The following VWA3B variants were observed in gnomAD, a reference collection of about 807,000 sequenced individuals.
VWA3B encodes von Willebrand factor A domain-containing protein 3B.
Under a neutral mutation model 158.3 loss-of-function variants are expected in VWA3B, and 138 were observed. That is an observed-to-expected ratio of 0.87 (90% CI 0.76 to 1.00). The LOEUF (loss-of-function observed/expected upper bound fraction) is 1.00. VWA3B is among the 50% of genes least tolerant of loss of function. The probability of loss-of-function intolerance (pLI) is 0.00; values close to 1 mark genes in which losing one functional copy is unlikely to be tolerated. For synonymous variants in VWA3B, 596 were observed against 587.3 expected, an observed-to-expected ratio of 1.01 and a Z score of -0.21; for missense variants, 1,555 against 1,565.1, an observed-to-expected ratio of 0.99 and a Z score of 0.11.
intron 6 of VWA3B, among the ~76,000 whole-genome samples, chr2:98,133,427 C>T (rs13008613): frequency 0.092 from 13,967 of 152,184 alleles, 991 homozygotes; most frequent in African/African-American, 0.2. Context: ...CTCACTGAAC[C>T]TACAGAGCTG....
chr2:98,330,161 C>CTATTCA, the VWA3B span, among the ~76,000 whole-genome samples: 3 of 152,312 alleles, frequency 2.0e-5, no homozygotes, highest in East Asian at 5.8e-4. Flanking sequence ...ATTCAAGGTG[C>CTATTCA]AGGGGATATT....
In VWA3B at chr2:98,119,576, T is replaced by C. The variant is rs768806197; in HGVS notation, c.355T>C (p.Tyr119His). The change falls in exon 4 of 28, where the codon TAC (tyrosine) becomes CAC (histidine). Residue 119 changes from tyrosine (Y) to histidine (H), a missense_variant. Tyr to His is a moderately conservative substitution (Grantham distance 83). Transcript: ENST00000477737. ...VEHLTQAVES[Y>H]KQRMDWLTSK... ...ACATTTAACACAAGCTGTGGAGAGC[T>C]ACAAGCAGCGAATGGACTGGCTCAC... 2.5e-5 allele frequency: 40 copies of C among 1,613,990 alleles called. No homozygotes were observed. The highest frequency in any genetic ancestry group is 8.5e-6 in the Non-Finnish European group (10 of 1,180,022).
At chr2:98,128,634 C>T (rs913970285) in intron 6 of VWA3B, among the ~76,000 whole-genome samples, 1 of 152,188 alleles carries the variant, frequency 6.6e-6, no homozygotes, top group Non-Finnish European at 1.5e-5. Flanking sequence ...CCTTGCTGGT[C>T]CAGGAGACCC....
chr2:98,192,936 G>C lies in VWA3B; in HGVS notation c.1505G>C (p.Gly502Ala). ...WLQDGSQSLF[G>A]RLHNDCIYIL... is the part of the protein sequence containing the mutation. Reference sequence around the variant, plus strand: ...CAGGATGGGAGTCAAAGCCTCTTTGGAAGATTGCATAATGATTGCATCTAC... The same window carrying C: ...CAGGATGGGAGTCAAAGCCTCTTTGCAAGATTGCATAATGATTGCATCTAC... Residue 502 changes from glycine to alanine, a missense_variant, in exon 11 of 28, where the codon GGA becomes GCA. Gly to Ala is a moderately conservative substitution (Grantham distance 60, BLOSUM62 0). Transcript: ENST00000477737. The C allele has an allele frequency of 6.2e-7, 1 of 1,614,146 alleles. No individual in the cohort carries two copies. Among genetic ancestry groups the C allele is most frequent in the African/African-American group, 1.3e-5 (1 of 75,034 alleles).
rs549025766 is a variant in VWA3B at position 98,109,570 on chromosome 2, C to T, written c.197-6082C>T. ...TAATACTCAAAAGGAGAAGGACTGTCTATTTTATTTGCCTATAGTTTTGCT... is the reference window on the plus strand; with the variant it reads ...TAATACTCAAAAGGAGAAGGACTGTTTATTTTATTTGCCTATAGTTTTGCT... On this transcript the variant is annotated intron_variant, in intron 2 of 27. Transcript: ENST00000477737. 1.4e-4 allele frequency among the ~76,000 whole-genome samples: 21 copies of T among 152,294 alleles called. No homozygotes were observed. The South Asian group carries it at 4.4e-3, about 32-fold the overall frequency.
intron 11 of VWA3B, among the ~76,000 whole-genome samples, chr2:98,193,885 G>C (rs1252494252): frequency 1.3e-5 from 2 of 152,090 alleles, no homozygotes; most frequent in Admixed American, 6.5e-5. Flanking sequence ...ACCGTGCCCA[G>C]CCAAAATGCA....
chr2:98,210,423 C>A (rs1422905860), intron 12 of VWA3B, among the ~76,000 whole-genome samples: 1 of 152,232 alleles, frequency 6.6e-6, no homozygotes, highest in African/African-American at 2.4e-5. Flanking sequence ...ATCCTATGAA[C>A]CCCCTTCAAG....
intron 9 of VWA3B, among the ~76,000 whole-genome samples, chr2:98,185,207 T>A (rs1046763205): frequency 4.6e-5 from 7 of 151,690 alleles, no homozygotes; most frequent in African/African-American, 1.7e-4. Context: ...GGTTGTTTAT[T>A]CTCTTGCGCT....
intron 8 of VWA3B, among the ~76,000 whole-genome samples, chr2:98,168,376 TAC>T (rs148619678): frequency 0.11 from 16,085 of 145,484 alleles, 877 homozygotes; most frequent in Middle Eastern, 0.16. Context: ...TACACACACA[TAC>T]ACACACACAC....
intron 7 of VWA3B, among the ~76,000 whole-genome samples, chr2:98,147,286 A>C (rs946391447): frequency 6.6e-6 from 1 of 152,150 alleles, no homozygotes; most frequent in African/African-American, 2.4e-5. Context: ...TGGGGGTCTG[A>C]ATCCAGGCTG....
rs530157138 is a variant in VWA3B, at chr2:98,230,559, G to A, written c.2308+352G>A. Among the ~76,000 whole-genome samples the A allele has an allele frequency of 5.1e-4, 77 of 152,088 alleles. 1 individual carries two copies. The highest frequency in any genetic ancestry group is 5.9e-4 in the Non-Finnish European group (40 of 67,974). On this transcript the variant is annotated intron_variant, in intron 16 of 27. Transcript: ENST00000477737. ...TGACAGTGTGTGTTTAGGTCTACACGGTTTGATCACGTGTATAGGTTTGTG... is the reference window on the plus strand; with the variant it reads ...TGACAGTGTGTGTTTAGGTCTACACAGTTTGATCACGTGTATAGGTTTGTG...
chr2:98,192,208 T>G (rs1019357926), intron 10 of VWA3B: 1 of 152,378 alleles, frequency 6.6e-6, no homozygotes, highest in Admixed American at 6.5e-5. Flanking sequence ...AAGTAATTTA[T>G]TTTTGACTTT....
At chr2:98,328,112 C>T in the VWA3B span, among the ~76,000 whole-genome samples, 4 of 152,188 alleles carry the variant, frequency 2.6e-5, no homozygotes, top group Non-Finnish European at 1.5e-5. Flanking sequence ...TCTCATTCAA[C>T]CCTGTCCAAG....
intron 2 of VWA3B, among the ~76,000 whole-genome samples, chr2:98,104,295 T>C (rs76793380): frequency 0.023 from 3,445 of 152,314 alleles, 67 homozygotes; most frequent in Non-Finnish European, 0.03. Context: ...CTTCAGGCTA[T>C]ACAAGAAGCA....
intron 2 of VWA3B, among the ~76,000 whole-genome samples, chr2:98,115,101 CTT>C (rs369549458): frequency 2.0e-3 from 260 of 131,442 alleles, no homozygotes; most frequent in Non-Finnish European, 1.9e-3. Context: ...TCCTATGTTG[CTT>C]TTTTTTTTTT....
At chr2:98,281,841 C>G (rs949329089) in intron 22 of VWA3B, among the ~76,000 whole-genome samples, 1 of 152,146 alleles carries the variant, frequency 6.6e-6, no homozygotes, top group Non-Finnish European at 1.5e-5. Flanking sequence ...TGTCATTGCT[C>G]GTGGGACTTC....
At chr2:98,119,883 T>C (rs759847889) in intron 4 of VWA3B, 120 bp downstream of exon 4, 2 of 1,262,984 alleles carry the variant, frequency 1.6e-6, no homozygotes, top group Non-Finnish European at 2.2e-6. Flanking sequence ...CATTATCTTA[T>C]ACTTTCCTAG....
intron 2 of VWA3B, among the ~76,000 whole-genome samples, chr2:98,100,925 G>A (rs1332299701): frequency 6.6e-6 from 1 of 152,118 alleles, no homozygotes; most frequent in Non-Finnish European, 1.5e-5. Context: ...GTAGACAGTT[G>A]TTCAAATTGA....
intron 5 of VWA3B, among the ~76,000 whole-genome samples, chr2:98,126,090 CAG>C (rs1214161287): frequency 1.3e-5 from 2 of 152,142 alleles, no homozygotes; most frequent in African/African-American, 2.4e-5. Context: ...TAGCGTAACA[CAG>C]GGAGTTGACT....
Sources: gnomAD v4.1 joint callset for allele counts (sites outside exome capture counted in the v4.1 genomes callset) on GRCh38, gnomAD v4.1.1 for gene constraint, MANE v1.5 for transcripts, NCBI Gene and HGNC (gene_info 2026-07-23, HGNC 2026-07-21) for gene names.